LIPN: variants seen among roughly 807,000 people sequenced by gnomAD.
The protein encoded by LIPN is lipase family member N.
Under a neutral mutation model 43.7 loss-of-function variants are expected in LIPN, and 32 were observed. That is an observed-to-expected ratio of 0.73 (90% CI 0.55 to 0.98). LIPN has a LOEUF of 0.98. LIPN is among the 50% of genes least tolerant of loss of function. LIPN has a pLI of 0.00. For missense variants in LIPN, 505 were observed against 483.8 expected (o/e 1.04, Z -0.41); for synonymous variants, 156 against 157.6 (o/e 0.99, Z 0.08).
intron 9 of LIPN, 48 bp from the exon 10 acceptor site, chr10:88,777,961 G>T (rs1195525336): frequency 8.4e-7 from 1 of 1,187,640 alleles, no homozygotes; most frequent in South Asian, 1.3e-5. Flanking sequence ...TGTAGTTATT[G>T]CTTTGAGGAG....
In LIPN at chr10:88,770,884, A is replaced by G. The variant is rs1385560080; in HGVS notation, c.712A>G (p.Lys238Glu). The G allele has an allele frequency of 1.9e-6, 3 of 1,538,534 alleles. No homozygotes were observed. The East Asian group carries it at 7.4e-5, about 38-fold the overall frequency. Residue 238 changes from lysine (K) to glutamate (E), a missense_variant, in exon 7 of 10, where the codon AAA becomes GAA. By Grantham distance (56) the Lys-to-Glu change is moderately conservative. Coordinates refer to ENST00000404459, the MANE Select transcript of LIPN (RefSeq NM_001102469.2). ...CAAAGGTTTCTTTTTAGAAGATAAG[A>G]AAACGAAGATAGCTTCTACCAAAAT... ...GTKGFFLEDK[K>E]TKIASTKICN...
intron 7 of LIPN, among the ~76,000 whole-genome samples, chr10:88,772,582 G>T (rs1042542390): frequency 1.3e-5 from 2 of 151,830 alleles, no homozygotes; most frequent in African/African-American, 4.8e-5. Context: ...GGGTTTATTT[G>T]TGGGTTCTTT....
Position 88,778,805 on chromosome 10 carries a change from C to A in LIPN, c.*563C>A, listed in dbSNP as rs973765520. On this transcript the variant is annotated 3_prime_UTR_variant, in exon 10 of 10. Transcript: ENST00000404459. ...AGCCCTCTTTTCTTACAATCTTATC[C>A]CTGGCTATCTGCGTAAACGGAATCT... 4.6e-5 allele frequency among the ~76,000 whole-genome samples: 7 copies of A among 152,064 alleles called. No homozygotes were observed. The highest frequency in any genetic ancestry group is 1.7e-4 in the African/African-American group (7 of 41,400).
chr10:88,765,707 A>G (rs1177492343), intron 4 of LIPN, among the ~76,000 whole-genome samples: 1 of 151,902 alleles, frequency 6.6e-6, no homozygotes, highest in Non-Finnish European at 1.5e-5. Context: ...ACAACATCTT[A>G]CTGAGCACCC....
rs976976199 is a variant in LIPN at position 88,762,415 on chromosome 10, AT to A, written c.226+112del. The A allele has an allele frequency of 7.1e-6, 5 of 704,082 alleles. No individual in the cohort carries two copies. The African/African-American group carries it at 8.8e-5, about 12-fold the overall frequency. The allele number at this position is 704,082 out of a possible 1,614,324, so 43.6% of individuals were successfully genotyped here. A position where few individuals can be genotyped will look rare whatever the true frequency, so the allele number is the denominator to read the frequency against. ...GAGTTTATCAAAATTGGTTTGAATTATTGGATTAGTCTTTAAATAGTTATCA... is the reference window on the plus strand; with the variant it reads ...GAGTTTATCAAAATTGGTTTGAATTATGGATTAGTCTTTAAATAGTTATCA... On this transcript the variant is annotated intron_variant, in intron 3 of 9. Coordinates refer to ENST00000404459, the MANE Select transcript of LIPN (RefSeq NM_001102469.2).
chr10:88,766,237 G>T (rs769588725), intron 4 of LIPN, 32 bp from the exon 5 acceptor site: 1 of 1,045,466 alleles, frequency 9.6e-7, no homozygotes, highest in South Asian at 1.3e-5. Context: ...AAACTTGCAA[G>T]TATTTATAAA....
At chr10:88,772,019 A>G (rs1020958338) in intron 7 of LIPN, among the ~76,000 whole-genome samples, 5 of 151,786 alleles carry the variant, frequency 3.3e-5, no homozygotes, top group African/African-American at 9.7e-5. Context: ...AATGTTGAAC[A>G]TTGTTTTTAA....
upstream of LIPN, among the ~76,000 whole-genome samples, chr10:88,758,776 G>A (rs1479419311): frequency 2.6e-5 from 4 of 151,962 alleles, no homozygotes; most frequent in African/African-American, 9.7e-5. Context: ...CGAAGTTGAG[G>A]AGGGAATATA....
chr10:88,763,805 C>T (rs1843042059), intron 3 of LIPN, among the ~76,000 whole-genome samples: 1 of 151,998 alleles, frequency 6.6e-6, no homozygotes, highest in Non-Finnish European at 1.5e-5. Context: ...ATGCTCTCCA[C>T]TGGACAGAGG....
intron 4 of LIPN, 94 bp downstream of exon 4, chr10:88,764,702 G>A (rs918104877): frequency 2.0e-5 from 17 of 859,022 alleles, no homozygotes; most frequent in Non-Finnish European, 3.0e-5. Flanking sequence ...GACGCTTGAA[G>A]TCATATAGCT....
chr10:88,758,597 G>C (rs2134817373), upstream of LIPN, among the ~76,000 whole-genome samples: 1 of 148,818 alleles, frequency 6.7e-6, no homozygotes, highest in African/African-American at 2.4e-5. Flanking sequence ...ATATAATACA[G>C]AAAAATATAT....
chr10:88,767,671 A>C (rs1164450915), intron 5 of LIPN, among the ~76,000 whole-genome samples: 12 of 80,266 alleles, frequency 1.5e-4, no homozygotes, highest in African/African-American at 4.7e-4. Context: ...AAAAAAAAAA[A>C]AAAAAAAAAA....
At chr10:88,760,983 C>A (rs1163908100) in intron 1 of LIPN, among the ~76,000 whole-genome samples, 8 of 152,076 alleles carry the variant, frequency 5.3e-5, no homozygotes. Flanking sequence ...TTTATTGATC[C>A]ATTTTTCTTG....
intron 3 of LIPN, among the ~76,000 whole-genome samples, chr10:88,764,094 A>G (rs750456998): frequency 2.0e-5 from 3 of 152,000 alleles, no homozygotes; most frequent in Non-Finnish European, 4.4e-5. Flanking sequence ...TTTTGTTTCC[A>G]TATCTACAAA....
chr10:88,768,063 T>C lies in LIPN; in HGVS notation c.536-729T>C, dbSNP rs11202847. On this transcript the variant is annotated intron_variant, in intron 5 of 9. Transcript: ENST00000404459. ...ACACACACACACACACACACACACATGCCAGTGGAGGCCCAGGAAGGGACC... is the reference window on the plus strand; with the variant it reads ...ACACACACACACACACACACACACACGCCAGTGGAGGCCCAGGAAGGGACC... Among the ~76,000 whole-genome samples the C allele has an allele frequency of 9.6e-3, 1,019 of 106,606 alleles. 13 individuals carry two copies. The highest frequency in any genetic ancestry group is 0.082 in the East Asian group (232 of 2,816). The allele number at this position is 106,606 out of a possible 152,430, so 69.9% of individuals were successfully genotyped here. A position where few individuals can be genotyped will look rare whatever the true frequency, so the allele number is the denominator to read the frequency against.
In LIPN at chr10:88,766,283, C is replaced by T. The variant is rs1265219712; in HGVS notation, c.440C>T (p.Ala147Val). The T allele has an allele frequency of 6.3e-7, 1 of 1,594,910 alleles. No homozygotes were observed. The highest frequency in any genetic ancestry group is 8.6e-7 in the Non-Finnish European group (1 of 1,165,774). Residue 147 changes from alanine to valine, a missense_variant, in exon 5 of 10, where the codon GCC (alanine) becomes GTC (valine). By Grantham distance (64) the Ala-to-Val change is moderately conservative. Coordinates refer to ENST00000404459, the MANE Select transcript of LIPN (RefSeq NM_001102469.2). ...KFWAFSFDEM[A>V]KYDLPGVIDF... ...TTATTTTGCAGTTTTGATGAAATGG[C>T]CAAATATGATCTCCCAGGAGTAATA...
intron 8 of LIPN, 100 bp downstream of exon 8, chr10:88,774,644 G>C (rs1843266567): frequency 2.1e-6 from 2 of 955,008 alleles, no homozygotes; most frequent in African/African-American, 1.6e-5. Context: ...AGAATCTTAA[G>C]AGCTTGCTTC....
Position 88,778,974 on chromosome 10 carries a change from G to A in LIPN, c.*732G>A, listed in dbSNP as rs1256064533. ...CTTTACAGGCTTTTTGTTCTTTGAG[G>A]GGTTTGAACATTCCATGAAAAACTG... On this transcript the variant is annotated 3_prime_UTR_variant, in exon 10 of 10. Transcript: ENST00000404459. Among the ~76,000 whole-genome samples, 1 of 151,958 alleles carries A rather than the reference G, an allele frequency of 6.6e-6. No homozygotes were observed. The highest frequency in any genetic ancestry group is 1.5e-5 in the Non-Finnish European group (1 of 67,984).
At chr10:88,758,134 T>C (rs1183490898), upstream of LIPN, among the ~76,000 whole-genome samples, 1 of 152,204 alleles carries the variant, frequency 6.6e-6, no homozygotes, top group Non-Finnish European at 1.5e-5. Context: ...ATAGGAAATG[T>C]GTTTTGAATA....
Sources: gnomAD v4.1 joint callset for allele counts (sites outside exome capture counted in the v4.1 genomes callset) on GRCh38, gnomAD v4.1.1 for gene constraint, MANE v1.5 for transcripts, NCBI Gene and HGNC (gene_info 2026-07-23, HGNC 2026-07-21) for gene names.